Variants in PTPRN2 observed in about 807,000 individuals in gnomAD.
The protein encoded by PTPRN2 is receptor-type tyrosine-protein phosphatase N2.
Under a neutral mutation model 118.8 loss-of-function variants are expected in PTPRN2, and 74 were observed. That is an observed-to-expected ratio of 0.62 (90% CI 0.52 to 0.76). PTPRN2 has a LOEUF of 0.76. PTPRN2 is among the 30% of genes least tolerant of loss of function. The probability of loss-of-function intolerance (pLI) is 0.00; values close to 1 mark genes in which losing one functional copy is unlikely to be tolerated. For missense variants in PTPRN2, 1,481 were observed against 1,394.4 expected (o/e 1.06, Z -0.99); for synonymous variants, 641 against 608.0 (o/e 1.05, Z -0.80).
intron 11 of PTPRN2, among the ~76,000 whole-genome samples, chr7:157,905,269 TGAA>T (rs1188504436): frequency 5.3e-5 from 8 of 152,172 alleles, no homozygotes; most frequent in African/African-American, 1.9e-4. Flanking sequence ...CTGAACATGT[TGAA>T]GGAGGAAAAG....
chr7:158,424,577 T>C (rs1043469088), intron 2 of PTPRN2, among the ~76,000 whole-genome samples: 1 of 152,236 alleles, frequency 6.6e-6, no homozygotes, highest in Non-Finnish European at 1.5e-5. Context: ...AACAGGCTCA[T>C]ACACACATGC....
chr7:158,131,139 C>A (rs1338492522), intron 9 of PTPRN2, among the ~76,000 whole-genome samples: 1 of 80,046 alleles, frequency 1.2e-5, no homozygotes, highest in East Asian at 4.0e-4. Context: ...CACATACACA[C>A]ATACACACAC....
Position 157,576,603 on chromosome 7 carries a change from C to T in PTPRN2, c.2783+10G>A. The T allele has an allele frequency of 6.2e-7, 1 of 1,601,388 alleles. No individual in the cohort carries two copies. Reference sequence around the variant, plus strand: ...CGCGCACTGCCCTGCCGGCGGGCCGCGCGTCATACCTGCGGAAGTCCAGGA... The same window carrying T: ...CGCGCACTGCCCTGCCGGCGGGCCGTGCGTCATACCTGCGGAAGTCCAGGA... On this transcript the variant is annotated intron_variant, in intron 19 of 22. Coordinates refer to ENST00000389418, the MANE Select transcript of PTPRN2 (RefSeq NM_002847.5).
chr7:158,146,300 A>C (rs1448461895), intron 6 of PTPRN2, among the ~76,000 whole-genome samples: 1 of 152,214 alleles, frequency 6.6e-6, no homozygotes, highest in Non-Finnish European at 1.5e-5. Flanking sequence ...TATTTAAAAA[A>C]ATATGAACCT....
At chr7:158,578,983 G>A (rs1326060208) in intron 1 of PTPRN2, among the ~76,000 whole-genome samples, 10 of 152,148 alleles carry the variant, frequency 6.6e-5, no homozygotes, top group Middle Eastern at 6.8e-3. Flanking sequence ...GGCTGGTCTC[G>A]AACTCCTGAC....
At chr7:157,921,946 C>G (rs4716807) in intron 11 of PTPRN2, among the ~76,000 whole-genome samples, 1 of 151,524 alleles carries the variant, frequency 6.6e-6, no homozygotes, top group African/African-American at 2.4e-5. Context: ...AGAGACGGGG[C>G]GTGGAGTGGA....
At chr7:157,691,066 G>GGC (rs1797464645) in intron 12 of PTPRN2, among the ~76,000 whole-genome samples, 2 of 82,026 alleles carry the variant, frequency 2.4e-5, no homozygotes, top group Admixed American at 1.5e-4. Flanking sequence ...CTATAGCGAT[G>GGC]TCCCCCCCCC....
chr7:158,358,621 G>C (rs1586445120), intron 2 of PTPRN2, among the ~76,000 whole-genome samples: 1 of 152,338 alleles, frequency 6.6e-6, no homozygotes, highest in African/African-American at 2.4e-5. Flanking sequence ...ATGGGACTCA[G>C]CCTCAGAAAG....
chr7:158,556,220 ATAGAT>A (rs905460992), intron 1 of PTPRN2, among the ~76,000 whole-genome samples: 1 of 152,102 alleles, frequency 6.6e-6, no homozygotes, highest in African/African-American at 2.4e-5. Context: ...ACAGGTAAAG[ATAGAT>A]TAGATAGATA....
intron 14 of PTPRN2, among the ~76,000 whole-genome samples, chr7:157,653,400 C>T (rs1294716263): frequency 1.3e-5 from 2 of 152,282 alleles, no homozygotes; most frequent in South Asian, 2.1e-4. Context: ...TGGATCACCA[C>T]GGAATTGGCT....
chr7:157,627,277 G>A lies in PTPRN2; in HGVS notation c.2197-5768C>T, dbSNP rs1488222212. ...GCTCCTTGCTCTGGGCTCTCCGTCA[G>A]TGCCTCTGAGTTGAAGCTTTATGAA... On this transcript the variant is annotated intron_variant, in intron 14 of 22. Coordinates refer to ENST00000389418, the MANE Select transcript of PTPRN2 (RefSeq NM_002847.5). This position sits in a 1 kb window ranked among gnomAD's most constrained non-coding sequence, Gnocchi z 4.2. 6.6e-6 allele frequency among the ~76,000 whole-genome samples: 1 copy of A among 152,222 alleles called. No individual in the cohort carries two copies. Among genetic ancestry groups the A allele is most frequent in the African/African-American group, 2.4e-5 (1 of 41,452 alleles).
At chr7:158,581,610 G>A (rs997792736) in intron 1 of PTPRN2, among the ~76,000 whole-genome samples, 2 of 152,154 alleles carry the variant, frequency 1.3e-5, no homozygotes, top group Non-Finnish European at 2.9e-5. Flanking sequence ...ACCTGCCATG[G>A]CCTTGAATCA....
intron 14 of PTPRN2, among the ~76,000 whole-genome samples, chr7:157,652,082 C>T (rs10243684): frequency 6.6e-6 from 1 of 152,190 alleles, no homozygotes; most frequent in African/African-American, 2.4e-5. Flanking sequence ...CTTAGTTCAT[C>T]CCAGAAGAAA....
intron 1 of PTPRN2, among the ~76,000 whole-genome samples, chr7:158,493,397 G>C (rs957172040): frequency 3.0e-5 from 3 of 99,544 alleles, no homozygotes; most frequent in East Asian, 3.2e-4. Context: ...ATACATGTGA[G>C]CATACACCTG....
chr7:158,523,393 C>CTGCCCTGGAGT (rs1563392208), intron 1 of PTPRN2, among the ~76,000 whole-genome samples: 30 of 104,894 alleles, frequency 2.9e-4, no homozygotes, highest in African/African-American at 9.0e-4. Context: ...TGCCCTGGAG[C>CTGCCCTGGAGT]GGAGTCATCT....
chr7:158,045,905 G>GGAGTCCTGAC (rs1808818567), intron 11 of PTPRN2, among the ~76,000 whole-genome samples: 1 of 147,616 alleles, frequency 6.8e-6, no homozygotes, highest in African/African-American at 2.6e-5. Context: ...CTGCGATCCT[G>GGAGTCCTGAC]ACGTCCTGAC....
rs1293168378 is a variant in PTPRN2 at position 158,179,268 on chromosome 7, A to AT, written c.550-11978dup. On this transcript the variant is annotated intron_variant, in intron 5 of 22. Transcript: ENST00000389418. ...TCCTTGATGATTAGTGATGTTGAGC[A>AT]TTTTTTTCATATGTTGTTGCCCATT... Among the ~76,000 whole-genome samples, 3 of 151,832 alleles carry AT rather than the reference A, an allele frequency of 2.0e-5. No individual in the cohort carries two copies. In the East Asian group the frequency reaches 5.8e-4, roughly 29 times the overall value.
intron 11 of PTPRN2, among the ~76,000 whole-genome samples, chr7:157,923,401 G>A (rs1479418735): frequency 6.6e-6 from 1 of 152,174 alleles, no homozygotes; most frequent in Admixed American, 6.5e-5. Flanking sequence ...TGAGCCTCGG[G>A]AAACGCCACC....
intron 2 of PTPRN2, among the ~76,000 whole-genome samples, chr7:158,450,995 C>G (rs1271046558): frequency 1.3e-5 from 2 of 152,226 alleles, no homozygotes; most frequent in African/African-American, 4.8e-5. Flanking sequence ...CTCCCCGCCC[C>G]ACGTCGCAGC....
Sources: gnomAD v4.1 joint callset for allele counts (sites outside exome capture counted in the v4.1 genomes callset) on GRCh38, gnomAD v4.1.1 for gene constraint, Gnocchi (gnomAD v3.1) non-coding constraint, MANE v1.5 for transcripts, NCBI Gene and HGNC (gene_info 2026-07-23, HGNC 2026-07-21) for gene names.